Variants in HNRNPUL1 observed in about 807,000 individuals in gnomAD.
HNRNPUL1 encodes the protein heterogeneous nuclear ribonucleoprotein U like 1.
HNRNPUL1 carries 14 observed loss-of-function variants against 108.5 expected under a neutral mutation model. That is an observed-to-expected ratio of 0.13 (90% CI 0.09 to 0.20). HNRNPUL1 has a LOEUF of 0.20. Ranked by LOEUF, HNRNPUL1 falls within the 10% of genes least tolerant of loss-of-function variation. HNRNPUL1 has a pLI of 1.00. For synonymous variants in HNRNPUL1, 422 were observed against 445.2 expected (o/e 0.95, Z 0.66); for missense variants, 804 against 1,168.3 (o/e 0.69, Z 4.55).
At chr19:41,285,192 C>A (rs780750698) in intron 7 of HNRNPUL1, among the ~76,000 whole-genome samples, 1 of 152,040 alleles carries the variant, frequency 6.6e-6, no homozygotes, top group African/African-American at 2.4e-5. Flanking sequence ...CTTCTGCCAA[C>A]GAAGAGGCAA....
At chr19:41,275,344 T>C (rs1214639142) in intron 4 of HNRNPUL1, among the ~76,000 whole-genome samples, 1 of 152,112 alleles carries the variant, frequency 6.6e-6, no homozygotes, top group Non-Finnish European at 1.5e-5. Context: ...AAAATCACCC[T>C]GGCATGGTGG....
At position 41,284,013 on chromosome 19, in the gene HNRNPUL1, G is replaced by A. The variant is rs778089207; in HGVS notation, c.999+2738G>A. ...AACACTGTGTGTCATACATCTTCAC[G>A]TGAGCAGTTCTTTTCGGTAAATTGT... On this transcript the variant is annotated intron_variant, in intron 7 of 14. Transcript: ENST00000392006. Among the ~76,000 whole-genome samples the A allele has an allele frequency of 5.9e-5, 9 of 152,324 alleles. 1 individual carries two copies. In the South Asian group the frequency reaches 1.4e-3, roughly 25 times the overall value.
intron 4 of HNRNPUL1, among the ~76,000 whole-genome samples, chr19:41,274,973 A>G (rs2035463213): frequency 6.6e-6 from 1 of 152,216 alleles, no homozygotes; most frequent in South Asian, 2.1e-4. Context: ...CATGACGGTC[A>G]GCCTTTAGAG....
intron 10 of HNRNPUL1, among the ~76,000 whole-genome samples, chr19:41,299,679 A>G (rs139902818): frequency 4.5e-4 from 68 of 152,232 alleles, no homozygotes; most frequent in African/African-American, 1.6e-3. Flanking sequence ...GACTCAGGCT[A>G]CTTGGGGACT....
chr19:41,295,948 A>G (rs2036868340), intron 10 of HNRNPUL1, among the ~76,000 whole-genome samples: 1 of 152,154 alleles, frequency 6.6e-6, no homozygotes, highest in Admixed American at 6.5e-5. Context: ...CTCCGCTTTG[A>G]AGATTTGTCT....
chr19:41,265,003 G>T, intron 1 of HNRNPUL1: 2 of 1,393,776 alleles, frequency 1.4e-6, no homozygotes, highest in South Asian at 1.6e-5. Context: ...GGGGACACTG[G>T]GGGAGGGGCC....
At chr19:41,291,009 G>A (rs565531894) in intron 7 of HNRNPUL1, among the ~76,000 whole-genome samples, 179 of 152,322 alleles carry the variant, frequency 1.2e-3, no homozygotes, top group Non-Finnish European at 1.8e-3. Context: ...TTGCGCCATT[G>A]CACTCCAGCC....
At chr19:41,266,665 G>A (rs188381899) in intron 1 of HNRNPUL1, among the ~76,000 whole-genome samples, 1 of 152,014 alleles carries the variant, frequency 6.6e-6, no homozygotes. Context: ...GGATTCTGGC[G>A]TAAGAGTTTG....
intron 2 of HNRNPUL1, 25 bp from the exon 3 acceptor site, chr19:41,272,057 C>T: frequency 6.2e-7 from 1 of 1,612,260 alleles, no homozygotes; most frequent in Non-Finnish European, 8.5e-7. Context: ...AGTGTCTTGA[C>T]CATCTGAATT....
chr19:41,271,270 A>G (rs2035220904), intron 2 of HNRNPUL1, among the ~76,000 whole-genome samples: 1 of 152,206 alleles, frequency 6.6e-6, no homozygotes, highest in African/African-American at 2.4e-5. Flanking sequence ...GACTTGTAGG[A>G]TCATTCAGCC....
Position 41,304,142 on chromosome 19 carries a change from C to T in HNRNPUL1, c.2143C>T (p.Pro715Ser). 6.2e-7 allele frequency: 1 copy of T among 1,614,152 alleles called. No homozygotes were observed. Among genetic ancestry groups the T allele is most frequent in the East Asian group, 2.2e-5 (1 of 44,874 alleles). The change falls in exon 13 of 15, where the codon CCC becomes TCC. Residue 715 changes from proline to serine, a missense_variant. Coordinates refer to ENST00000392006, the MANE Select transcript of HNRNPUL1 (RefSeq NM_007040.6). ...QPPPQQPPPP[P>S]SYSPARNPPG... Reference sequence around the variant, plus strand: ...ACCACCCCAGCAGCCACCGCCACCACCCAGCTACAGCCCTGCTCGGAACCC... The same window carrying T: ...ACCACCCCAGCAGCCACCGCCACCATCCAGCTACAGCCCTGCTCGGAACCC...
In HNRNPUL1 at chr19:41,264,700, C is replaced by T. The variant is rs749616472; in HGVS notation, c.197C>T (p.Thr66Ile). 35 of 1,544,286 alleles carry T rather than the reference C, an allele frequency of 2.3e-5. No homozygotes were observed. The highest frequency in any genetic ancestry group is 3.0e-5 in the Non-Finnish European group (34 of 1,148,916). ...GGGCACATCAACGAGGAGGTCGAGA[C>T]CGAGGGGGGCTCCGAGCTGGAGGGG... ...RPGHINEEVETEGGSELEGTA... is the reference protein window; with the variant it reads ...RPGHINEEVEIEGGSELEGTA... The change falls in exon 1 of 15, where the codon ACC (threonine) becomes ATC (isoleucine). Residue 66 changes from threonine to isoleucine, a missense_variant. By Grantham distance (89) the Thr-to-Ile change is moderately conservative. Transcript: ENST00000392006.
At chr19:41,304,296 C>G in intron 13 of HNRNPUL1, 35 bp downstream of exon 13, 1 of 1,549,772 alleles carries the variant, frequency 6.5e-7, no homozygotes. Context: ...ATGTAGTGAT[C>G]GCACGTGTGC....
intron 1 of HNRNPUL1, among the ~76,000 whole-genome samples, chr19:41,266,053 G>T (rs765992354): frequency 5.0e-4 from 76 of 152,298 alleles, no homozygotes; most frequent in Non-Finnish European, 7.9e-4. Flanking sequence ...CAGGAGCTGT[G>T]ACTCTGGGAA....
chr19:41,266,542 G>A (rs2034858323), intron 1 of HNRNPUL1, among the ~76,000 whole-genome samples: 1 of 152,018 alleles, frequency 6.6e-6, no homozygotes, highest in African/African-American at 2.4e-5. Context: ...ATCTCACCTC[G>A]GCCTCCTGAA....
At chr19:41,303,861 C>G (rs927065915) in intron 12 of HNRNPUL1, 111 bp from the exon 13 acceptor site, 80 of 1,338,336 alleles carry the variant, frequency 6.0e-5, no homozygotes, top group Middle Eastern at 2.1e-4. Context: ...ACCTTGAGTT[C>G]TTGCTCTGCG....
intron 1 of HNRNPUL1, chr19:41,265,063 G>T (rs753492517): frequency 7.1e-7 from 1 of 1,412,790 alleles, no homozygotes; most frequent in South Asian, 1.5e-5. Flanking sequence ...ATTCCGTACC[G>T]TAGGGATCGG....
intron 4 of HNRNPUL1, among the ~76,000 whole-genome samples, chr19:41,275,659 T>G (rs1407658011): frequency 1.3e-5 from 2 of 152,190 alleles, no homozygotes; most frequent in African/African-American, 4.8e-5. Context: ...CAGGCCAATT[T>G]GCAATACTGC....
In HNRNPUL1 at chr19:41,301,594, G is replaced by A; in HGVS notation, c.1577G>A (p.Arg526His). The change falls in exon 11 of 15, where the codon CGC (arginine) becomes CAC (histidine). Residue 526 changes from arginine (R) to histidine (H), a missense_variant. Arg to His is a conservative substitution (Grantham distance 29). Transcript: ENST00000392006. ...RKMRPFEGFQ[R>H]KAIVICPTDE... ...ATGAGACCATTTGAAGGCTTCCAGCGCAAAGCTATTGTAATTTGTCCCACT... is the reference window on the plus strand; with the variant it reads ...ATGAGACCATTTGAAGGCTTCCAGCACAAAGCTATTGTAATTTGTCCCACT... The A allele has an allele frequency of 6.2e-7, 1 of 1,614,074 alleles. No homozygotes were observed. The highest frequency in any genetic ancestry group is 8.5e-7 in the Non-Finnish European group (1 of 1,179,998).
Sources: gnomAD v4.1 joint callset for allele counts (sites outside exome capture counted in the v4.1 genomes callset) on GRCh38, gnomAD v4.1.1 for gene constraint, MANE v1.5 for transcripts, NCBI Gene and HGNC (gene_info 2026-07-23, HGNC 2026-07-21) for gene names.